The following DLGAP1 variants were observed in gnomAD, a reference collection of about 807,000 sequenced individuals.
The protein encoded by DLGAP1 is disks large-associated protein 1.
Under a neutral mutation model 90.8 loss-of-function variants are expected in DLGAP1, and 11 were observed. The ratio of observed to expected loss-of-function variants is 0.12; its 90% CI spans 0.08 to 0.20. DLGAP1 has a LOEUF of 0.20. Among genes scored for constraint, DLGAP1 ranks in the 10% least tolerant of loss-of-function variants. DLGAP1 has a pLI of 1.00. For synonymous variants in DLGAP1, 558 were observed against 540.7 expected, an observed-to-expected ratio of 1.03 and a Z score of -0.44; for missense variants, 1,050 against 1,333.8, an observed-to-expected ratio of 0.79 and a Z score of 3.31.
intron 9 of DLGAP1, among the ~76,000 whole-genome samples, chr18:3,558,140 T>C (rs1001587357): frequency 2.0e-5 from 3 of 152,216 alleles, no homozygotes; most frequent in Non-Finnish European, 4.4e-5. Context: ...CCTGTCCATT[T>C]CTGATAGAGA....
At chr18:3,887,563 AC>A (rs1274429504) in intron 3 of DLGAP1, among the ~76,000 whole-genome samples, 1 of 152,204 alleles carries the variant, frequency 6.6e-6, no homozygotes, top group Admixed American at 6.5e-5. Flanking sequence ...CTGGCCAGCT[AC>A]GGCAGTGTCT....
chr18:3,936,530 C>T (rs890467156), intron 3 of DLGAP1, among the ~76,000 whole-genome samples: 2 of 152,202 alleles, frequency 1.3e-5, no homozygotes, highest in African/African-American at 4.8e-5. Context: ...CTCCATAATT[C>T]CATATGCATT....
At chr18:3,964,988 TA>T (rs1468803173) in intron 3 of DLGAP1, among the ~76,000 whole-genome samples, 1 of 152,142 alleles carries the variant, frequency 6.6e-6, no homozygotes, top group Non-Finnish European at 1.5e-5. Context: ...AACTCCAATT[TA>T]AAAAAGAATA....
intron 7 of DLGAP1, among the ~76,000 whole-genome samples, chr18:3,709,526 G>T (rs2147209639): frequency 6.6e-6 from 1 of 152,166 alleles, no homozygotes; most frequent in South Asian, 2.1e-4. Flanking sequence ...ACAATCCCTT[G>T]GTCATTTAGG....
chr18:4,421,504 T>C (rs1046075569), intron 1 of DLGAP1, among the ~76,000 whole-genome samples: 5 of 152,156 alleles, frequency 3.3e-5, no homozygotes, highest in African/African-American at 1.2e-4. Flanking sequence ...TGAACATGTC[T>C]TTTAGGGGAT....
intron 1 of DLGAP1, among the ~76,000 whole-genome samples, chr18:4,347,079 G>A (rs2081314105): frequency 6.6e-6 from 1 of 152,008 alleles, no homozygotes; most frequent in African/African-American, 2.4e-5. Context: ...AGACATCTAT[G>A]TATACAAGTT....
intron 1 of DLGAP1, among the ~76,000 whole-genome samples, chr18:4,174,332 ATTTTT>A (rs763296512): frequency 6.6e-6 from 1 of 151,136 alleles, no homozygotes; most frequent in East Asian, 1.9e-4. Context: ...ATTTTATTTT[ATTTTT>A]TATTATTATT....
At chr18:3,804,065 T>C (rs2066452500) in intron 5 of DLGAP1, among the ~76,000 whole-genome samples, 1 of 149,300 alleles carries the variant, frequency 6.7e-6, no homozygotes, top group Non-Finnish European at 1.5e-5. Flanking sequence ...AAGATCTTGG[T>C]TCACTGCAAC....
intron 1 of DLGAP1, among the ~76,000 whole-genome samples, chr18:4,152,618 G>A (rs2076693498): frequency 6.6e-6 from 1 of 152,154 alleles, no homozygotes; most frequent in Non-Finnish European, 1.5e-5. Flanking sequence ...GACTGGCAAA[G>A]CTGACAGGTA....
At chr18:3,630,185 T>C (rs1396276863) in intron 7 of DLGAP1, among the ~76,000 whole-genome samples, 1 of 152,096 alleles carries the variant, frequency 6.6e-6, no homozygotes, top group Non-Finnish European at 1.5e-5. Flanking sequence ...CCCAGTGTGG[T>C]TGGGCCTCAT....
At chr18:3,927,340 A>G (rs1239633698) in intron 3 of DLGAP1, among the ~76,000 whole-genome samples, 1 of 152,384 alleles carries the variant, frequency 6.6e-6, no homozygotes, top group East Asian at 1.9e-4. Context: ...AAAGATCGAG[A>G]GAAAGACGTC....
rs1568210956 is a variant in DLGAP1 at position 3,833,240 on chromosome 18, C to CCTTCCTTCCTTCCTT, written c.958-18968_958-18967insAAGGAAGGAAGGAAG. ...TTCCTTCCTTCCTTCCTTCCTTCCT[C>CCTTCCTTCCTTCCTT]CTTGTTTTTTTTTGACAGGGTCTCA... is the stretch of plus-strand genomic sequence containing the variant. On this transcript the variant is annotated intron_variant, in intron 4 of 12. Transcript: ENST00000315677. 2.1e-4 allele frequency among the ~76,000 whole-genome samples: 27 copies of CCTTCCTTCCTTCCTT among 130,216 alleles called. 3 individuals carry two copies. Among genetic ancestry groups the CCTTCCTTCCTTCCTT allele is most frequent in the Non-Finnish European group, 3.2e-4 (20 of 62,210 alleles). 85.4% of individuals were successfully genotyped at this position (130,216 alleles called of 152,430 possible).
At chr18:4,037,345 G>A (rs995303967) in intron 2 of DLGAP1, among the ~76,000 whole-genome samples, 1 of 152,114 alleles carries the variant, frequency 6.6e-6, no homozygotes, top group Admixed American at 6.5e-5. Flanking sequence ...TGGAGAAGGT[G>A]ATAGCCATTT....
At chr18:4,018,558 A>G (rs1007459307) in intron 2 of DLGAP1, among the ~76,000 whole-genome samples, 1 of 152,260 alleles carries the variant, frequency 6.6e-6, no homozygotes, top group Non-Finnish European at 1.5e-5. Flanking sequence ...AGTTTAAATA[A>G]CAAAATATTT....
intron 1 of DLGAP1, among the ~76,000 whole-genome samples, chr18:4,187,023 T>G (rs1338971079): frequency 6.6e-6 from 1 of 152,168 alleles, no homozygotes; most frequent in Non-Finnish European, 1.5e-5. Flanking sequence ...CAATTGTAAA[T>G]GAGATTGTGT....
intron 7 of DLGAP1, among the ~76,000 whole-genome samples, chr18:3,657,095 G>C (rs1461716446): frequency 1.3e-5 from 2 of 152,142 alleles, no homozygotes; most frequent in South Asian, 2.1e-4. Flanking sequence ...AATTAGACCT[G>C]ATAACAATCA....
intron 7 of DLGAP1, among the ~76,000 whole-genome samples, chr18:3,657,752 G>A (rs1262521210): frequency 2.0e-5 from 3 of 151,928 alleles, no homozygotes; most frequent in Non-Finnish European, 2.9e-5. Context: ...ACAGGCGCCC[G>A]CCACCGCACC....
intron 5 of DLGAP1, among the ~76,000 whole-genome samples, chr18:3,797,045 C>T (rs1186797134): frequency 1.3e-5 from 2 of 151,974 alleles, no homozygotes; most frequent in African/African-American, 4.8e-5. Flanking sequence ...TAAGAAGAGA[C>T]ACTGGAGGCC....
intron 1 of DLGAP1, among the ~76,000 whole-genome samples, chr18:4,324,098 A>C (rs564840157): frequency 2.2e-4 from 34 of 152,110 alleles, no homozygotes; most frequent in African/African-American, 8.0e-4. Context: ...CTTTGAAAAA[A>C]ATTAGTAAGA....
Sources: allele counts gnomAD v4.1 joint callset (sites outside exome capture counted in the v4.1 genomes callset), GRCh38; gene constraint gnomAD v4.1.1; transcripts MANE v1.5; gene names NCBI Gene and HGNC (gene_info 2026-07-23, HGNC 2026-07-21).